KANSL3: variants seen among roughly 807,000 people sequenced by gnomAD.
KANSL3 encodes NSL complex protein NSL3.
In KANSL3, 16 loss-of-function variants were observed where a neutral mutation model predicts 89.2. The observed-to-expected ratio is 0.18, with a 90% CI of 0.12 to 0.27. The LOEUF (loss-of-function observed/expected upper bound fraction) is 0.27. Among genes scored for constraint, KANSL3 ranks in the 10% least tolerant of loss-of-function variants. KANSL3 has a pLI of 1.00. For missense variants in KANSL3, 879 were observed against 1,110.6 expected (o/e 0.79, Z 2.96); for synonymous variants, 385 against 419.7 (o/e 0.92, Z 1.01).
chr2:96,630,320 C>T (rs1390374509), intron 3 of KANSL3, among the ~76,000 whole-genome samples: 1 of 152,178 alleles, frequency 6.6e-6, no homozygotes, highest in Non-Finnish European at 1.5e-5. Flanking sequence ...GCTATCCATA[C>T]AATGTAATGT....
chr2:96,621,792 G>A (rs2105883712), intron 3 of KANSL3, among the ~76,000 whole-genome samples: 1 of 152,150 alleles, frequency 6.6e-6, no homozygotes, highest in African/African-American at 2.4e-5. Context: ...AAAAAGGCAG[G>A]TCACAAAAGA....
In KANSL3 at chr2:96,637,156, T is replaced by C. The variant is rs2074357055; in HGVS notation, c.-21A>G. Reference sequence around the variant, plus strand: ...GCCATGTCAGTGGAGGGGCAGAAAGTCAGAGCATGGGTATCTGCATGCTAG... The same window carrying C: ...GCCATGTCAGTGGAGGGGCAGAAAGCCAGAGCATGGGTATCTGCATGCTAG... On this transcript the variant is annotated 5_prime_UTR_variant, in exon 2 of 21. An upstream open reading frame in the 5' UTR loses its in-frame stop. Transcript: ENST00000431828. 6.7e-7 allele frequency: 1 copy of C among 1,500,910 alleles called. No homozygotes were observed. The highest frequency in any genetic ancestry group is 2.5e-5 in the East Asian group (1 of 40,686). 93.0% of individuals were successfully genotyped at this position (1,500,910 alleles called of 1,614,324 possible).
chr2:96,617,084 T>C (rs1224736713), intron 5 of KANSL3, among the ~76,000 whole-genome samples: 4 of 152,144 alleles, frequency 2.6e-5, no homozygotes, highest in Admixed American at 2.6e-4. Context: ...CTACGATACT[T>C]CTGGGCCACC....
intron 5 of KANSL3, chr2:96,615,489 T>G: frequency 7.8e-7 from 1 of 1,283,368 alleles, no homozygotes; most frequent in Non-Finnish European, 1.0e-6. Context: ...TGTTGATGCT[T>G]ACACTGAGAA....
At chr2:96,628,190 A>G (rs764374632) in intron 3 of KANSL3, 5 of 1,276,206 alleles carry the variant, frequency 3.9e-6, no homozygotes, top group Non-Finnish European at 5.1e-6. Context: ...TGCCTAGAGG[A>G]AAGATGTGTA....
chr2:96,595,434 G>GT lies in KANSL3; in HGVS notation c.*176_*177insA. The GT allele has an allele frequency of 1.7e-6, 1 of 581,114 alleles. No individual in the cohort carries two copies. The highest frequency in any genetic ancestry group is 2.3e-5 in the South Asian group (1 of 43,396). 36.0% of individuals were successfully genotyped at this position (581,114 alleles called of 1,614,324 possible). On this transcript the variant is annotated 3_prime_UTR_variant, in exon 21 of 21. Coordinates refer to ENST00000431828, the MANE Select transcript of KANSL3 (RefSeq NM_001115016.3). ...CTGGACGATGGTGCTTCCCTTGCTG[G>GT]CACCGTATCACCTAACCTAATGGTT... is the stretch of plus-strand genomic sequence containing the variant.
intron 3 of KANSL3, among the ~76,000 whole-genome samples, chr2:96,626,768 C>CA (rs765100957): frequency 2.0e-5 from 3 of 152,204 alleles, no homozygotes; most frequent in Admixed American, 6.5e-5. Context: ...AAATCATTTT[C>CA]AAAGGTCCTC....
rs1469356203 is a variant in KANSL3, at chr2:96,636,952, C to A, written c.184G>T (p.Val62Phe). Residue 62 changes from valine to phenylalanine, a missense_variant, in exon 2 of 21, where the codon GTC becomes TTC. Val to Phe is a conservative substitution (Grantham distance 50). Coordinates refer to ENST00000431828, the MANE Select transcript of KANSL3 (RefSeq NM_001115016.3). The part of the protein sequence containing the change: ...SSARPTRMLF[V>F]TPRRQHESTI... ...CTTTCGTGCTGCCGCCGGGGAGTGA[C>A]AAAGAGCATGCGGGTGGGGCGGGCA... 1 of 1,545,686 alleles carries A rather than the reference C, an allele frequency of 6.5e-7. No homozygotes were observed. Among genetic ancestry groups the A allele is most frequent in the East Asian group, 2.4e-5 (1 of 40,826 alleles).
rs58548375 is a variant in KANSL3 at position 96,613,919 on chromosome 2, G to C, written c.664-300C>G. 3.8e-3 allele frequency among the ~76,000 whole-genome samples: 582 copies of C among 152,016 alleles called. 2 individuals carry two copies. Among genetic ancestry groups the C allele is most frequent in the African/African-American group, 0.013 (528 of 41,454 alleles). The stretch of plus-strand genomic sequence containing the variant: ...TTCTGAGAACCTTTCCAAAGAAAAC[G>C]TATCAGAAACAAAAACACACACAAA... On this transcript the variant is annotated intron_variant, in intron 5 of 20. Coordinates refer to ENST00000431828, the MANE Select transcript of KANSL3 (RefSeq NM_001115016.3).
At chr2:96,596,345 C>T (rs955730915) in intron 20 of KANSL3, among the ~76,000 whole-genome samples, 1 of 152,184 alleles carries the variant, frequency 6.6e-6, no homozygotes, top group African/African-American at 2.4e-5. Context: ...CTGCTTGAGC[C>T]CAGAAGTTTA....
At chr2:96,609,090 G>T (rs1481095898) in intron 12 of KANSL3, 26 bp from the exon 13 acceptor site, 4 of 1,542,986 alleles carry the variant, frequency 2.6e-6, no homozygotes, top group South Asian at 1.2e-5. Flanking sequence ...GCCAACCAAG[G>T]CCTTTTAGTC....
downstream of KANSL3, among the ~76,000 whole-genome samples, chr2:96,591,188 G>GT (rs1248828555): frequency 2.0e-5 from 3 of 152,100 alleles, no homozygotes; most frequent in Admixed American, 2.0e-4. Flanking sequence ...TCATATACAC[G>GT]TAACAACTTG....
At position 96,631,332 on chromosome 2, in the gene KANSL3, G is replaced by A. The variant is rs1380734814; in HGVS notation, c.366C>T (p.Asp122=). The A allele has an allele frequency of 6.2e-7, 1 of 1,612,218 alleles. No individual in the cohort carries two copies. The highest frequency in any genetic ancestry group is 1.7e-5 in the Admixed American group (1 of 59,972). ...TDADAPPPPE[D]WEEHVNRTGW... ...CCTACCTGTTGACATGCTCCTCCCA[G>A]TCCTCTGGTGGAGGAGGGGCATCTG... The change falls in exon 3 of 21, where the codon GAC becomes GAT. Residue 122 remains aspartate, a synonymous_variant. Transcript: ENST00000431828.
At chr2:96,638,165 G>A (rs1251399318) in intron 1 of KANSL3, 118 bp downstream of exon 1, 1 of 141,590 alleles carries the variant, frequency 7.1e-6, no homozygotes, top group Non-Finnish European at 1.5e-5. Context: ...GCCGGCCCTA[G>A]CCCGGGCCCC....
At chr2:96,611,015 C>A (rs757516145) in intron 10 of KANSL3, 49 bp downstream of exon 10, 6 of 1,589,730 alleles carry the variant, frequency 3.8e-6, no homozygotes, top group Non-Finnish European at 5.2e-6. Flanking sequence ...CATGCACACT[C>A]GCGCTCCCAC....
chr2:96,632,723 G>A lies in KANSL3; in HGVS notation c.216-1241C>T, dbSNP rs1573647242. ...AATACAGTAGGTATAAGCCACACAC[G>A]ACTACTTAAATTGAGGCAGGTGGAT... On this transcript the variant is annotated intron_variant, in intron 2 of 20. Transcript: ENST00000431828. Among the ~76,000 whole-genome samples, 3 of 152,018 alleles carry A rather than the reference G, an allele frequency of 2.0e-5. No homozygotes were observed. In the South Asian group the frequency reaches 6.2e-4, roughly 32 times the overall value.
intron 14 of KANSL3, among the ~76,000 whole-genome samples, chr2:96,607,628 C>T (rs1259451211): frequency 6.6e-6 from 1 of 152,212 alleles, no homozygotes; most frequent in Non-Finnish European, 1.5e-5. Context: ...TCCTCCCATC[C>T]ACTCACACTT....
At chr2:96,608,794 C>A (rs899767000) in intron 13 of KANSL3, 70 bp downstream of exon 13, 4 of 1,520,556 alleles carry the variant, frequency 2.6e-6, no homozygotes, top group Middle Eastern at 2.0e-4. Context: ...GAGGCATCCC[C>A]AGGAAATTAA....
chr2:96,595,714 A>G (rs2066469091), intron 20 of KANSL3, 83 bp from the exon 21 acceptor site: 16 of 1,420,828 alleles, frequency 1.1e-5, no homozygotes, highest in African/African-American at 5.7e-5. Flanking sequence ...AATTATCCCA[A>G]CTCCTGAGAA....
Sources: gnomAD v4.1 joint callset for allele counts (sites outside exome capture counted in the v4.1 genomes callset) on GRCh38, gnomAD v4.1.1 for gene constraint, MANE v1.5 for transcripts, NCBI Gene and HGNC (gene_info 2026-07-23, HGNC 2026-07-21) for gene names.